The following NRXN3 variants were observed in gnomAD, a reference collection of about 807,000 sequenced individuals.
The protein encoded by NRXN3 is neurexin III.
A neutral mutation model predicts 137.6 loss-of-function variants in NRXN3; 32 were observed. That is an observed-to-expected ratio of 0.23 (90% confidence interval 0.18 to 0.31). NRXN3 has a LOEUF of 0.31. NRXN3 is among the 10% of genes least tolerant of loss of function. The pLI, the probability that NRXN3 is intolerant of heterozygous loss-of-function variation, is 1.00. For synonymous variants in NRXN3, 798 were observed against 784.5 expected, an observed-to-expected ratio of 1.02 and a Z score of -0.29; for missense variants, 1,574 against 2,062.5, an observed-to-expected ratio of 0.76 and a Z score of 4.59.
At chr14:79,064,551 G>A (rs560140696) in intron 15 of NRXN3, among the ~76,000 whole-genome samples, 12 of 151,778 alleles carry the variant, frequency 7.9e-5, no homozygotes, top group Admixed American at 3.3e-4. Flanking sequence ...TTAGGGACTG[G>A]ACTCAGCATT....
chr14:78,807,831 TA>T (rs1349870195), intron 9 of NRXN3, among the ~76,000 whole-genome samples: 1 of 148,856 alleles, frequency 6.7e-6, no homozygotes, highest in African/African-American at 2.5e-5. Context: ...AAAACAAAAT[TA>T]AAACAGGCAA....
chr14:78,418,872 A>G (rs1285184346), intron 4 of NRXN3, among the ~76,000 whole-genome samples: 1 of 152,258 alleles, frequency 6.6e-6, no homozygotes, highest in Admixed American at 6.5e-5. Flanking sequence ...GATGAGGCAC[A>G]GAGAGGCATA....
At chr14:79,117,941 AG>A (rs1400276549) in intron 15 of NRXN3, among the ~76,000 whole-genome samples, 6 of 152,248 alleles carry the variant, frequency 3.9e-5, no homozygotes, top group African/African-American at 1.4e-4. Context: ...GATTAGGCTT[AG>A]GGGAGTAGGG....
At position 79,087,189 on chromosome 14, in the gene NRXN3, C is replaced by T. The variant is rs1013671058; in HGVS notation, c.3262+99048C>T. ...GATTAAATGAAGGTTTCCAAGCGGA[C>T]GTGGTTAGGAGGAGGGTACTAAGTG... On this transcript the variant is annotated intron_variant, in intron 15 of 20. Transcript: ENST00000335750. 4.6e-5 allele frequency among the ~76,000 whole-genome samples: 7 copies of T among 152,070 alleles called. No individual in the cohort carries two copies. The South Asian group carries it at 6.2e-4, about 14-fold the overall frequency.
At chr14:79,671,977 T>G (rs1461335123) in intron 17 of NRXN3, among the ~76,000 whole-genome samples, 1 of 152,050 alleles carries the variant, frequency 6.6e-6, no homozygotes, top group East Asian at 1.9e-4. Flanking sequence ...TAGCTCAAGG[T>G]TATTTATAAA....
intron 6 of NRXN3, among the ~76,000 whole-genome samples, chr14:78,676,771 A>C (rs2098012442): frequency 6.6e-6 from 1 of 152,108 alleles, no homozygotes; most frequent in South Asian, 2.1e-4. Context: ...GACAGGCTAA[A>C]CTCTCTTTTT....
At chr14:78,952,916 C>A (rs2099389757) in intron 10 of NRXN3, among the ~76,000 whole-genome samples, 1 of 152,292 alleles carries the variant, frequency 6.6e-6, no homozygotes, top group East Asian at 1.9e-4. Flanking sequence ...GGAAACAGAG[C>A]TTTGTGGCAT....
intron 4 of NRXN3, among the ~76,000 whole-genome samples, chr14:78,346,089 G>T (rs372801904): frequency 1.3e-5 from 2 of 152,224 alleles, no homozygotes; most frequent in African/African-American, 4.8e-5. Context: ...ACAGGGATCT[G>T]AAACTGCTGA....
chr14:78,825,715 G>A (rs1390979024), intron 10 of NRXN3, among the ~76,000 whole-genome samples: 1 of 152,234 alleles, frequency 6.6e-6, no homozygotes, highest in Non-Finnish European at 1.5e-5. Context: ...TTTGTAAAAT[G>A]TTTCATAGGA....
chr14:78,957,045 T>C (rs1039004345), intron 10 of NRXN3, among the ~76,000 whole-genome samples, 197 bp from the exon 11 acceptor site: 6 of 152,226 alleles, frequency 3.9e-5, no homozygotes, highest in Non-Finnish European at 8.8e-5. Flanking sequence ...TTATCCTTTA[T>C]GTTTGAATTG....
rs560516836 is a variant in NRXN3, at chr14:79,867,418, T to C, written c.*5454T>C. 16 of 152,354 alleles carry C rather than the reference T, an allele frequency of 1.1e-4. No individual in the cohort carries two copies. The highest frequency in any genetic ancestry group is 3.6e-4 in the African/African-American group (15 of 41,574). The allele number at this position is 152,354 out of a possible 1,614,324, so 9.4% of individuals were successfully genotyped here. On this transcript the variant is annotated 3_prime_UTR_variant, in exon 21 of 21. Transcript: ENST00000335750. ...CAGTTTCTGGGAAGGGCTCTCTTCC[T>C]GGCTTGTAGATAATAAGCTACCTTC...
At chr14:79,783,610 G>T (rs1010607448) in intron 19 of NRXN3, among the ~76,000 whole-genome samples, 2 of 151,940 alleles carry the variant, frequency 1.3e-5, no homozygotes, top group East Asian at 1.9e-4. Flanking sequence ...AAATCCTTTC[G>T]TCTGGATGCC....
At chr14:78,989,779 C>A (rs1374362257) in intron 15 of NRXN3, among the ~76,000 whole-genome samples, 1 of 152,128 alleles carries the variant, frequency 6.6e-6, no homozygotes, top group African/African-American at 2.4e-5. Context: ...AAGTTTATTT[C>A]TTGTCGCATA....
intron 16 of NRXN3, among the ~76,000 whole-genome samples, chr14:79,648,489 A>AAC (rs1349013155): frequency 7.4e-6 from 1 of 135,762 alleles, no homozygotes; most frequent in African/African-American, 2.4e-5. Flanking sequence ...TCAAAAATAA[A>AAC]ACTTATGTGA....
intron 15 of NRXN3, among the ~76,000 whole-genome samples, chr14:79,348,148 T>C (rs1358669291): frequency 1.3e-5 from 2 of 152,144 alleles, no homozygotes; most frequent in African/African-American, 2.4e-5. Flanking sequence ...TTTTCCAGTA[T>C]ATTGAAATTA....
At chr14:79,346,153 C>G (rs1372306071) in intron 15 of NRXN3, among the ~76,000 whole-genome samples, 3 of 152,210 alleles carry the variant, frequency 2.0e-5, no homozygotes, top group Non-Finnish European at 2.9e-5. Context: ...GGCACAGTGG[C>G]TCACGCCTAT....
intron 8 of NRXN3, among the ~76,000 whole-genome samples, chr14:78,729,361 A>G (rs1481449456): frequency 6.6e-6 from 1 of 152,282 alleles, no homozygotes; most frequent in East Asian, 1.9e-4. Flanking sequence ...AGGGAGAGAG[A>G]GCTGTAAGAA....
chr14:79,680,665 T>C (rs73329949), intron 17 of NRXN3, among the ~76,000 whole-genome samples: 4,141 of 152,130 alleles, frequency 0.027, 158 homozygotes, highest in African/African-American at 0.093. Flanking sequence ...AGAATGAAAG[T>C]GATGGCCCTG....
intron 4 of NRXN3, among the ~76,000 whole-genome samples, chr14:78,346,505 G>A (rs2082751206): frequency 6.6e-6 from 1 of 152,148 alleles, no homozygotes; most frequent in Non-Finnish European, 1.5e-5. Context: ...GGAATAGGGG[G>A]CAGGTATTAG....
Sources: allele counts gnomAD v4.1 joint callset (sites outside exome capture counted in the v4.1 genomes callset), GRCh38; gene constraint gnomAD v4.1.1; transcripts MANE v1.5; gene names NCBI Gene and HGNC (gene_info 2026-07-23, HGNC 2026-07-21).